ARMH1: variants seen among roughly 807,000 people sequenced by gnomAD.
ARMH1 encodes armadillo-like helical domain containing protein 1.
In ARMH1, 34 loss-of-function variants were observed where a neutral mutation model predicts 50.2. That is an observed-to-expected ratio of 0.68 (90% confidence interval 0.51 to 0.90). The LOEUF (loss-of-function observed/expected upper bound fraction) is 0.90. ARMH1 is among the 40% of genes least tolerant of loss of function. The pLI, the probability that ARMH1 is intolerant of heterozygous loss-of-function variation, is 0.00. For missense variants in ARMH1, 538 were observed against 553.9 expected, an observed-to-expected ratio of 0.97 and a Z score of 0.29; for synonymous variants, 221 against 224.2, an observed-to-expected ratio of 0.99 and a Z score of 0.13.
intron 6 of ARMH1, among the ~76,000 whole-genome samples, chr1:44,722,078 A>G (rs1647325566): frequency 6.6e-6 from 1 of 152,224 alleles, no homozygotes; most frequent in Admixed American, 6.6e-5. Flanking sequence ...TTATTCAAAC[A>G]GATAACCCTG....
At chr1:44,676,848 C>T (rs751030395) in intron 1 of ARMH1, among the ~76,000 whole-genome samples, 1 of 151,896 alleles carries the variant, frequency 6.6e-6, no homozygotes, top group Non-Finnish European at 1.5e-5. Context: ...GGTTTTTATT[C>T]GGATGGAAGA....
chr1:44,697,199 G>T, intron 3 of ARMH1, 29 bp downstream of exon 3: 1 of 1,516,126 alleles, frequency 6.6e-7, no homozygotes, highest in Admixed American at 2.0e-5. Flanking sequence ...TGATTCTGGG[G>T]GTCTCAGTGG....
chr1:44,690,452 G>C (rs1020576941), intron 2 of ARMH1, among the ~76,000 whole-genome samples: 2 of 152,062 alleles, frequency 1.3e-5, no homozygotes, highest in Non-Finnish European at 2.9e-5. Context: ...AGTTGAAGTA[G>C]GTATACCTTC....
intron 6 of ARMH1, among the ~76,000 whole-genome samples, chr1:44,705,627 A>G (rs1179477989): frequency 6.6e-6 from 1 of 152,232 alleles, no homozygotes; most frequent in Non-Finnish European, 1.5e-5. Flanking sequence ...TCAAGATACA[A>G]CAATAAAGCA....
At chr1:44,722,139 GC>G (rs1233753559) in intron 6 of ARMH1, among the ~76,000 whole-genome samples, 3 of 152,210 alleles carry the variant, frequency 2.0e-5, no homozygotes, top group African/African-American at 4.8e-5. Flanking sequence ...TGAGCTGAGC[GC>G]CGGAACAAGA....
chr1:44,682,823 C>T lies in ARMH1; in HGVS notation c.-22-6853C>T, dbSNP rs1477356937. Among the ~76,000 whole-genome samples the T allele has an allele frequency of 2.0e-5, 3 of 152,044 alleles. No homozygotes were observed. The highest frequency in any genetic ancestry group is 4.4e-5 in the Non-Finnish European group (3 of 68,004). Reference sequence around the variant, plus strand: ...GGCATGGTGGCATGCACCTGTAGTCCCAGCTACTCAGGAGGCTGAGGTGGG... The same window carrying T: ...GGCATGGTGGCATGCACCTGTAGTCTCAGCTACTCAGGAGGCTGAGGTGGG... On this transcript the variant is annotated intron_variant, in intron 1 of 11. Coordinates refer to ENST00000535358, the MANE Select transcript of ARMH1 (RefSeq NM_001145636.2). This position sits in a 1 kb window ranked among gnomAD's most constrained non-coding sequence, Gnocchi z 4.5.
At chr1:44,685,311 G>T (rs1645432740) in intron 1 of ARMH1, among the ~76,000 whole-genome samples, 1 of 150,448 alleles carries the variant, frequency 6.6e-6, no homozygotes, top group Non-Finnish European at 1.5e-5. Flanking sequence ...TCTGAGGGAA[G>T]CTTTTTTTTT....
At chr1:44,721,035 T>TCAAAA (rs529978948) in intron 6 of ARMH1, among the ~76,000 whole-genome samples, 4 of 150,688 alleles carry the variant, frequency 2.7e-5, no homozygotes, top group East Asian at 1.9e-4. Flanking sequence ...AAACTCCATC[T>TCAAAA]CAAAACAAAA....
intron 1 of ARMH1, among the ~76,000 whole-genome samples, chr1:44,676,698 G>T (rs981076290): frequency 2.6e-5 from 4 of 152,216 alleles, no homozygotes; most frequent in Admixed American, 1.3e-4. Flanking sequence ...TTTCAGTGGA[G>T]TGATGGGAGC....
chr1:44,725,105 C>A, intron 10 of ARMH1, 31 bp from the exon 11 acceptor site: 1 of 1,551,568 alleles, frequency 6.4e-7, no homozygotes, highest in South Asian at 1.2e-5. Flanking sequence ...CCCTGGCACC[C>A]CAGCCGGGTC....
At chr1:44,678,631 G>T (rs1182293366) in intron 1 of ARMH1, among the ~76,000 whole-genome samples, 1 of 152,056 alleles carries the variant, frequency 6.6e-6, no homozygotes, top group Non-Finnish European at 1.5e-5. Context: ...AGTCAGGGAC[G>T]GGAGCCCAAG....
At chr1:44,717,039 C>T (rs12744109) in intron 6 of ARMH1, among the ~76,000 whole-genome samples, 1 of 151,852 alleles carries the variant, frequency 6.6e-6, no homozygotes, top group Non-Finnish European at 1.5e-5. Context: ...TTAGTAGAGA[C>T]GGGGTTTCAC....
chr1:44,689,552 G>T (rs1157481817), intron 1 of ARMH1, 124 bp from the exon 2 acceptor site: 12 of 712,246 alleles, frequency 1.7e-5, no homozygotes, highest in Non-Finnish European at 2.7e-5. Flanking sequence ...AGTATATTTT[G>T]CGCATAACTA....
intron 6 of ARMH1, among the ~76,000 whole-genome samples, chr1:44,714,507 C>T (rs1216204157): frequency 6.6e-6 from 1 of 151,980 alleles, no homozygotes; most frequent in Non-Finnish European, 1.5e-5. Context: ...ATCCCTTGAA[C>T]CCGGGAGGCG....
intron 5 of ARMH1, among the ~76,000 whole-genome samples, chr1:44,702,008 G>A (rs1646104205): frequency 1.3e-5 from 2 of 152,144 alleles, no homozygotes; most frequent in Non-Finnish European, 2.9e-5. Context: ...GGGAGGCTGT[G>A]GTGGGAGGAT....
At chr1:44,710,608 CAAAAAA>C (rs56731047) in intron 6 of ARMH1, among the ~76,000 whole-genome samples, 1 of 92,894 alleles carries the variant, frequency 1.1e-5, no homozygotes. Context: ...GACTCCGTCT[CAAAAAA>C]AAAAAAAAAA....
Position 44,725,420 on chromosome 1 carries a change from C to A in ARMH1, c.*17C>A. 9 of 1,551,016 alleles carry A rather than the reference C, an allele frequency of 5.8e-6. No individual in the cohort carries two copies. The highest frequency in any genetic ancestry group is 7.9e-6 in the Non-Finnish European group (9 of 1,146,354). On this transcript the variant is annotated 3_prime_UTR_variant, in exon 12 of 12. Transcript: ENST00000535358. The stretch of plus-strand genomic sequence containing the variant: ...AAGGAGTAACAGCCCCTGTGGCAAA[C>A]CAGGAAGGCCAAGGCTGCGGGGCAG...
chr1:44,685,413 T>G (rs1293858561), intron 1 of ARMH1, among the ~76,000 whole-genome samples: 1 of 150,966 alleles, frequency 6.6e-6, no homozygotes, highest in Admixed American at 6.6e-5. Context: ...TCATTCGATC[T>G]TCCCACCTCA....
At chr1:44,720,639 C>T (rs1239703358) in intron 6 of ARMH1, among the ~76,000 whole-genome samples, 1 of 152,114 alleles carries the variant, frequency 6.6e-6, no homozygotes, top group Non-Finnish European at 1.5e-5. Context: ...GACATCTACT[C>T]CTGAGTGAAG....
Sources: gnomAD v4.1 joint callset for allele counts (sites outside exome capture counted in the v4.1 genomes callset) on GRCh38, gnomAD v4.1.1 for gene constraint, Gnocchi (gnomAD v3.1) non-coding constraint, MANE v1.5 for transcripts, NCBI Gene and HGNC (gene_info 2026-07-23, HGNC 2026-07-21) for gene names.